The following NTM variants were observed in gnomAD, a reference collection of about 807,000 sequenced individuals.
NTM encodes the protein IgLON family member 2.
Under a neutral mutation model 42.1 loss-of-function variants are expected in NTM, and 13 were observed. That is an observed-to-expected ratio of 0.31 (90% CI 0.20 to 0.49). NTM has a LOEUF of 0.49. NTM is among the 20% of genes least tolerant of loss of function. The probability of loss-of-function intolerance (pLI) is 0.99; values close to 1 mark genes in which losing one functional copy is unlikely to be tolerated. For synonymous variants in NTM, 187 were observed against 179.2 expected (o/e 1.04, Z -0.35); for missense variants, 373 against 452.8 (o/e 0.82, Z 1.60).
chr11:131,891,189 A>G (rs529731769), intron 1 of NTM, among the ~76,000 whole-genome samples: 2 of 152,340 alleles, frequency 1.3e-5, no homozygotes, highest in East Asian at 3.9e-4. Flanking sequence ...ACCCAACTAT[A>G]TCAGAAGGCA....
At chr11:131,474,179 G>A (rs945371605) in intron 1 of NTM, among the ~76,000 whole-genome samples, 4 of 151,926 alleles carry the variant, frequency 2.6e-5, no homozygotes, top group African/African-American at 4.8e-5. Context: ...ACTACAAAAC[G>A]CTTTCAGCAT....
At chr11:132,034,362 C>T (rs2076263430) in intron 2 of NTM, among the ~76,000 whole-genome samples, 1 of 152,218 alleles carries the variant, frequency 6.6e-6, no homozygotes, top group Non-Finnish European at 1.5e-5. Flanking sequence ...ATTTGCTTCA[C>T]CCGTCTCAGG....
intron 1 of NTM, among the ~76,000 whole-genome samples, chr11:131,665,563 T>G (rs530496933): frequency 6.6e-6 from 1 of 152,202 alleles, no homozygotes; most frequent in Non-Finnish European, 1.5e-5. Context: ...GGAGAGTTCA[T>G]GTGAAGACAC....
intron 2 of NTM, among the ~76,000 whole-genome samples, chr11:132,136,721 A>AT (rs1024487854): frequency 5.3e-5 from 8 of 151,708 alleles, no homozygotes; most frequent in Admixed American, 1.3e-4. Flanking sequence ...AAGCTGTGAT[A>AT]TTTTTTTTTC....
At chr11:131,969,646 C>A (rs1488718548) in intron 2 of NTM, among the ~76,000 whole-genome samples, 1 of 152,120 alleles carries the variant, frequency 6.6e-6, no homozygotes, top group African/African-American at 2.4e-5. Context: ...GCACTTTAGA[C>A]TCTCGGCAGA....
chr11:131,384,233 G>A (rs76762818), intron 1 of NTM, among the ~76,000 whole-genome samples: 5,308 of 152,204 alleles, frequency 0.035, 118 homozygotes, highest in South Asian at 0.08. Flanking sequence ...ACATAAAAAA[G>A]AATTGAGGGC....
intron 1 of NTM, among the ~76,000 whole-genome samples, chr11:131,500,577 ATTTTTTTTTTTT>A (rs71475759): frequency 7.9e-5 from 6 of 76,214 alleles, no homozygotes; most frequent in African/African-American, 4.9e-4. Context: ...ATATATATAT[ATTTTTTTTTTTT>A]TTTTTTGTAT....
chr11:131,414,077 TA>T (rs1946704136), intron 1 of NTM, among the ~76,000 whole-genome samples: 1 of 152,160 alleles, frequency 6.6e-6, no homozygotes, highest in Non-Finnish European at 1.5e-5. Context: ...AATAGATCTT[TA>T]AGGTTTCTTC....
intron 2 of NTM, among the ~76,000 whole-genome samples, chr11:132,067,439 G>A (rs2056689574): frequency 6.6e-6 from 1 of 152,174 alleles, no homozygotes; most frequent in Non-Finnish European, 1.5e-5. Context: ...CCCAAACTCA[G>A]CATCTAGATC....
chr11:131,581,587 G>A (rs1307866518), intron 1 of NTM, among the ~76,000 whole-genome samples: 1 of 152,192 alleles, frequency 6.6e-6, no homozygotes, highest in Non-Finnish European at 1.5e-5. Flanking sequence ...ATAGAGTTCA[G>A]ACAAGGGGAC....
intron 1 of NTM, among the ~76,000 whole-genome samples, chr11:131,531,571 T>C (rs1408309071): frequency 6.6e-6 from 1 of 152,234 alleles, no homozygotes; most frequent in Admixed American, 6.5e-5. Flanking sequence ...CTATTGCAAT[T>C]GTAACAGCTT....
At chr11:132,259,673 C>T (rs185722654) in intron 4 of NTM, among the ~76,000 whole-genome samples, 53 of 152,024 alleles carry the variant, frequency 3.5e-4, no homozygotes, top group Non-Finnish European at 6.5e-4. Flanking sequence ...GAGTGAGACT[C>T]CATCTCAAAA....
At chr11:131,672,525 C>G (rs971209080) in intron 1 of NTM, among the ~76,000 whole-genome samples, 3 of 152,226 alleles carry the variant, frequency 2.0e-5, no homozygotes, top group Admixed American at 1.3e-4. Flanking sequence ...CCAGGCCATT[C>G]TCTTCGGCCT....
chr11:131,863,553 C>T (rs573485181), intron 1 of NTM, among the ~76,000 whole-genome samples: 14 of 152,284 alleles, frequency 9.2e-5, no homozygotes, highest in Non-Finnish European at 8.8e-5. Flanking sequence ...GAAATATAGT[C>T]GAATGCAAAG....
At chr11:131,646,113 T>A (rs943184446) in intron 1 of NTM, among the ~76,000 whole-genome samples, 1 of 152,208 alleles carries the variant, frequency 6.6e-6, no homozygotes, top group Non-Finnish European at 1.5e-5. Context: ...AAATACGCAA[T>A]TGATCATCTA....
At chr11:131,660,736 GA>G in intron 1 of NTM, 1 of 595,056 alleles carries the variant, frequency 1.7e-6, no homozygotes. Flanking sequence ...GAAACAAAAG[GA>G]AAATCACGAA....
At position 132,147,212 on chromosome 11, in the gene NTM, T is replaced by TGA. The variant is rs1205491013; in HGVS notation, c.400+699_400+700insAG. On this transcript the variant is annotated intron_variant, in intron 3 of 8. Transcript: ENST00000683400. ...GTGTGTGTGTGTGTGTGTGTGTGTG[T>TGA]GTGAGAGAGAGAGAGAGAGAGAGAG... is the stretch of plus-strand genomic sequence containing the variant. Among the ~76,000 whole-genome samples the TGA allele has an allele frequency of 3.4e-3, 427 of 124,672 alleles. 1 individual carries two copies. Among genetic ancestry groups the TGA allele is most frequent in the East Asian group, 0.012 (51 of 4,306 alleles). 81.8% of individuals were successfully genotyped at this position (124,672 alleles called of 152,430 possible).
chr11:131,898,320 G>A (rs1023578412), intron 1 of NTM, among the ~76,000 whole-genome samples: 1 of 152,196 alleles, frequency 6.6e-6, no homozygotes, highest in African/African-American at 2.4e-5. Flanking sequence ...AACTGGCTTT[G>A]TGGAAAAACA....
intron 1 of NTM, among the ~76,000 whole-genome samples, chr11:131,878,595 ATATATAT>A (rs1270726263): frequency 2.0e-3 from 22 of 11,140 alleles, no homozygotes; most frequent in African/African-American, 4.8e-3. Context: ...AAAAAAAAAA[ATATATAT>A]ATATATATAT....
Sources: gnomAD v4.1 joint callset for allele counts (sites outside exome capture counted in the v4.1 genomes callset) on GRCh38, gnomAD v4.1.1 for gene constraint, MANE v1.5 for transcripts, NCBI Gene and HGNC (gene_info 2026-07-23, HGNC 2026-07-21) for gene names.